The following FANCI variants were observed in gnomAD, a reference collection of about 807,000 sequenced individuals.
FANCI encodes the protein FA complementation group I, also known as Fanconi anemia group I protein.
FANCI carries 156 observed loss-of-function variants against 176.1 expected under a neutral mutation model. The ratio of observed to expected loss-of-function variants is 0.89; its 90% CI spans 0.78 to 1.01. The LOEUF is 1.01. Among genes scored for constraint, FANCI ranks in the 50% least tolerant of loss-of-function variants. The pLI is 0.00. For synonymous variants in FANCI, 613 were observed against 541.7 expected (o/e 1.13, Z -1.83); for missense variants, 1,678 against 1,534.1 (o/e 1.09, Z -1.57).
rs910351362 is a variant in FANCI at position 89,292,654 on chromosome 15, C to CAAA, written c.1993-32_1993-31insAAA. On this transcript the variant is annotated intron_variant, in intron 20 of 37. Transcript: ENST00000310775. ...ACTTTATAAGTTATCCATCAACACT[C>CAAA]AAGAGTATTTAATTTACTTATTTTC... The CAAA allele has an allele frequency of 2.5e-6, 4 of 1,600,422 alleles. No homozygotes were observed. The African/African-American group carries it at 4.0e-5, about 16-fold the overall frequency.
At chr15:89,283,799 C>G (rs1232160010) in intron 17 of FANCI, among the ~76,000 whole-genome samples, 2 of 151,032 alleles carry the variant, frequency 1.3e-5, no homozygotes, top group East Asian at 3.9e-4. Context: ...GTCACCCAGG[C>G]TGGAGTGCAG....
At chr15:89,273,554 G>C in intron 11 of FANCI, 85 bp downstream of exon 11, 1 of 816,214 alleles carries the variant, frequency 1.2e-6, no homozygotes, top group South Asian at 1.5e-5. Context: ...ATCTGTTTTT[G>C]TTGTATCCGT....
intron 18 of FANCI, among the ~76,000 whole-genome samples, chr15:89,288,828 C>T (rs1301983470): frequency 2.0e-5 from 3 of 151,598 alleles, no homozygotes; most frequent in Admixed American, 6.6e-5. Flanking sequence ...TTTGTAGAGA[C>T]AGGGTCTCAC....
chr15:89,305,398 C>T lies in FANCI; in HGVS notation c.3244C>T (p.Pro1082Ser). ...AATAGTGAATTTGAGAACGGCTGCC[C>T]CCACTGTCTGTGTAAGTGTTGTACC... ...FAIVNLRTAA[P>S]TVCLLVLSQA... The change falls in exon 30 of 38, where the codon CCC becomes TCC. Residue 1082 changes from proline (P) to serine (S), a missense_variant. Pro to Ser is a moderately conservative substitution (Grantham distance 74). Transcript: ENST00000310775. 1.2e-6 allele frequency: 2 copies of T among 1,613,510 alleles called. No individual in the cohort carries two copies. The highest frequency in any genetic ancestry group is 1.7e-6 in the Non-Finnish European group (2 of 1,180,000).
At chr15:89,295,865 C>T (rs1236106088) in intron 24 of FANCI, among the ~76,000 whole-genome samples, 1 of 151,922 alleles carries the variant, frequency 6.6e-6, no homozygotes, top group East Asian at 1.9e-4. Flanking sequence ...CCCCTTCCTC[C>T]GAGGTTCAAG....
chr15:89,289,630 A>T (rs1033914198), intron 18 of FANCI, among the ~76,000 whole-genome samples: 1 of 151,596 alleles, frequency 6.6e-6, no homozygotes, highest in African/African-American at 2.4e-5. Context: ...AAACAAAAAA[A>T]TTTTTTTGAT....
chr15:89,294,891 T>TTC (rs751389631), intron 23 of FANCI, 24 bp from the exon 24 acceptor site: 2 of 1,546,464 alleles, frequency 1.3e-6, no homozygotes, highest in African/African-American at 1.4e-5. Flanking sequence ...TCCTTTTTCT[T>TTC]TCTCTCTCTC....
intron 9 of FANCI, 163 bp downstream of exon 9, chr15:89,264,770 T>A (rs1338917915): frequency 1.8e-6 from 1 of 562,384 alleles, no homozygotes; most frequent in Non-Finnish European, 3.2e-6. Context: ...AATAACATGA[T>A]CTCTTCAGCT....
chr15:89,280,066 G>C (rs1238687444), intron 14 of FANCI, among the ~76,000 whole-genome samples: 1 of 152,098 alleles, frequency 6.6e-6, no homozygotes, highest in Non-Finnish European at 1.5e-5. Context: ...CTGTCACCCA[G>C]GCTGGAGGGC....
chr15:89,314,068 C>G (rs927889334), intron 35 of FANCI, among the ~76,000 whole-genome samples: 3 of 151,658 alleles, frequency 2.0e-5, no homozygotes. Context: ...GACACACACA[C>G]ACACACACAA....
At chr15:89,271,096 A>C (rs1343593813) in intron 10 of FANCI, among the ~76,000 whole-genome samples, 1 of 151,146 alleles carries the variant, frequency 6.6e-6, no homozygotes, top group Non-Finnish European at 1.5e-5. Flanking sequence ...TTTATTTTAC[A>C]TTTTTTTTGT....
rs776007604 is a variant in FANCI at position 89,258,743 on chromosome 15, G to C, written c.124G>C (p.Val42Leu). The C allele has an allele frequency of 2.5e-6, 4 of 1,613,704 alleles. No homozygotes were observed. The South Asian group carries it at 4.4e-5, about 18-fold the overall frequency. ...TCAGAATCAAGCAGTGAAAGGAAAA[G>C]TTGCTGGAGCACTCCTGAGAGCCAT... ...LLQNQAVKGK[V>L]AGALLRAIFK... The change falls in exon 3 of 38, where the codon GTT (valine) becomes CTT (leucine). Residue 42 changes from valine to leucine, a missense_variant. Physicochemically the swap from Val to Leu is conservative, Grantham distance 32. Around this residue, in one of 3 missense-constraint regions of FANCI, gnomAD observed 469 missense variants for 436.9 expected, o/e 1.07. Coordinates refer to ENST00000310775, the MANE Select transcript of FANCI (RefSeq NM_001113378.2).
intron 13 of FANCI, among the ~76,000 whole-genome samples, chr15:89,278,407 A>G (rs1419394335): frequency 6.6e-6 from 1 of 152,202 alleles, no homozygotes; most frequent in Non-Finnish European, 1.5e-5. Context: ...ACCTAAGTAG[A>G]ATTGATCCTG....
chr15:89,252,950 C>G (rs2052326239), intron 2 of FANCI, among the ~76,000 whole-genome samples: 1 of 152,140 alleles, frequency 6.6e-6, no homozygotes, highest in Non-Finnish European at 1.5e-5. Context: ...TATAAGTTGA[C>G]TGCAAAATTC....
At position 89,303,941 on chromosome 15, in the gene FANCI, A is replaced by G. The variant is rs1297120813; in HGVS notation, c.3058+26A>G. On this transcript the variant is annotated intron_variant, in intron 28 of 37. Coordinates refer to ENST00000310775, the MANE Select transcript of FANCI (RefSeq NM_001113378.2). ...GTAAGTTTACTGCCATGTTTTCCTA[A>G]AGGCTTTATATAAAATCACTATCCT... 4.4e-6 allele frequency: 7 copies of G among 1,608,316 alleles called. No individual in the cohort carries two copies. In the East Asian group the frequency reaches 1.6e-4, roughly 36 times the overall value.
intron 35 of FANCI, among the ~76,000 whole-genome samples, chr15:89,313,807 T>C (rs1234295533): frequency 6.6e-6 from 1 of 151,890 alleles, no homozygotes; most frequent in African/African-American, 2.4e-5. Flanking sequence ...TGGAGAGATA[T>C]GAAAAAAATA....
At chr15:89,314,814 TG>T (rs2055141338) in intron 36 of FANCI, 107 bp downstream of exon 36, 6 of 771,800 alleles carry the variant, frequency 7.8e-6, no homozygotes, top group Non-Finnish European at 1.3e-5. Flanking sequence ...CTGGGCCATT[TG>T]TGTGTTTGCC....
intron 11 of FANCI, 42 bp downstream of exon 11, chr15:89,273,511 T>TGAAAA: frequency 2.1e-6 from 1 of 476,344 alleles, no homozygotes; most frequent in Non-Finnish European, 3.5e-6. Flanking sequence ...CTGTAGTTGG[T>TGAAAA]AAAAAAAAAA....
chr15:89,261,556 G>C (rs2052713576), intron 4 of FANCI, 29 bp from the exon 5 acceptor site: 1 of 1,613,510 alleles, frequency 6.2e-7, no homozygotes, highest in East Asian at 2.2e-5. Context: ...ATTTCTGCTT[G>C]AGATTTCCTT....
Sources: gnomAD v4.1 joint callset for allele counts (sites outside exome capture counted in the v4.1 genomes callset) on GRCh38, gnomAD v4.1.1 for gene constraint, gnomAD v4.1.1 regional missense constraint, MANE v1.5 for transcripts, NCBI Gene and HGNC (gene_info 2026-07-23, HGNC 2026-07-21) for gene names.